PCDH9: variants seen among roughly 807,000 people sequenced by gnomAD.
PCDH9 encodes the protein protocadherin 9.
A neutral mutation model predicts 70.6 loss-of-function variants in PCDH9; 24 were observed. The observed-to-expected ratio is 0.34, with a 90% CI of 0.25 to 0.48. The LOEUF is 0.48. PCDH9 is among the 20% of genes least tolerant of loss of function. The probability of loss-of-function intolerance (pLI) is 0.99; values close to 1 mark genes in which losing one functional copy is unlikely to be tolerated. For missense variants in PCDH9, 1,281 were observed against 1,503.6 expected (o/e 0.85, Z 2.45); for synonymous variants, 562 against 558.5 (o/e 1.01, Z -0.09).
In PCDH9 at chr13:66,656,191, C is replaced by G. The variant is rs554803987; in HGVS notation, c.3139-24780G>C. Among the ~76,000 whole-genome samples, 28 of 151,584 alleles carry G rather than the reference C, an allele frequency of 1.8e-4. No individual in the cohort carries two copies. In the South Asian group the frequency reaches 5.6e-3, roughly 31 times the overall value. On this transcript the variant is annotated intron_variant, in intron 3 of 4. Transcript: ENST00000377865. ...TCAGCAGGCCATTTTCTTGGCTGAG[C>G]CTGTTACTGAACAAAGTCAGTATAT...
intron 4 of PCDH9, among the ~76,000 whole-genome samples, chr13:66,498,621 C>T (rs1959153979): frequency 6.6e-6 from 1 of 152,098 alleles, no homozygotes; most frequent in African/African-American, 2.4e-5. Flanking sequence ...TAATTCCCAA[C>T]CCCACAAATA....
intron 2 of PCDH9, among the ~76,000 whole-genome samples, chr13:67,187,663 T>C (rs1431800255): frequency 2.0e-5 from 3 of 152,106 alleles, no homozygotes; most frequent in Non-Finnish European, 2.9e-5. Flanking sequence ...TATTTATATT[T>C]TTAATATAGA....
chr13:67,126,049 G>T (rs2086973213), intron 2 of PCDH9, among the ~76,000 whole-genome samples: 2 of 152,122 alleles, frequency 1.3e-5, no homozygotes, highest in Non-Finnish European at 1.5e-5. Context: ...TTCCTGATGA[G>T]AAATTGAAGG....
At chr13:67,057,366 T>A (rs1258072844) in intron 2 of PCDH9, among the ~76,000 whole-genome samples, 1 of 152,014 alleles carries the variant, frequency 6.6e-6, no homozygotes, top group African/African-American at 2.4e-5. Context: ...AAGCATGACC[T>A]TTAGTCTCGG....
At chr13:66,349,837 G>A (rs1240465758) in intron 4 of PCDH9, among the ~76,000 whole-genome samples, 1 of 152,112 alleles carries the variant, frequency 6.6e-6, no homozygotes, top group African/African-American at 2.4e-5. Context: ...TAGAGCTAGG[G>A]AACTACTACT....
intron 2 of PCDH9, among the ~76,000 whole-genome samples, chr13:67,142,767 G>A (rs542983933): frequency 2.6e-5 from 4 of 151,866 alleles, no homozygotes; most frequent in South Asian, 2.1e-4. Context: ...TTGGGAGGCC[G>A]AGGCGGGCGG....
intron 3 of PCDH9, among the ~76,000 whole-genome samples, chr13:66,887,396 A>G (rs981499969): frequency 1.3e-5 from 2 of 152,242 alleles, no homozygotes; most frequent in African/African-American, 2.4e-5. Context: ...AAAAAATGCT[A>G]CGTTCTATTT....
At chr13:67,146,153 T>A (rs2138372302) in intron 2 of PCDH9, among the ~76,000 whole-genome samples, 1 of 152,256 alleles carries the variant, frequency 6.6e-6, no homozygotes, top group South Asian at 2.1e-4. Context: ...TGTCTTCAAA[T>A]GTTTCCAGGA....
chr13:66,321,149 C>T lies in PCDH9; in HGVS notation c.3341-16121G>A, dbSNP rs551044203. Among the ~76,000 whole-genome samples the T allele has an allele frequency of 4.5e-4, 69 of 152,118 alleles. 1 individual carries two copies. The South Asian group carries it at 0.013, about 28-fold the overall frequency. ...GTAAATATATACCAATGATTAAAAA[C>T]GGCTCTCCAAGTTCTATGGCATTAA... On this transcript the variant is annotated intron_variant, in intron 4 of 4. Transcript: ENST00000377865.
intron 2 of PCDH9, among the ~76,000 whole-genome samples, chr13:67,085,925 T>G (rs1259198228): frequency 6.6e-6 from 1 of 152,120 alleles, no homozygotes; most frequent in Non-Finnish European, 1.5e-5. Context: ...ATCCGTCAAG[T>G]GAAAAACAAA....
Position 66,489,441 on chromosome 13 carries a change from G to C in PCDH9, c.3340+141769C>G, listed in dbSNP as rs369319018. Among the ~76,000 whole-genome samples the C allele has an allele frequency of 3.9e-5, 6 of 152,070 alleles. No homozygotes were observed. In the East Asian group the frequency reaches 1.2e-3, roughly 29 times the overall value. On this transcript the variant is annotated intron_variant, in intron 4 of 4. Coordinates refer to ENST00000377865, the MANE Select transcript of PCDH9 (RefSeq NM_203487.3). ...GCCTCCCACCTCAGCTTCCTGAGTA[G>C]CTGGGACTACAGGCATGCACCACCA... is the stretch of plus-strand genomic sequence containing the variant.
At chr13:66,370,342 A>T (rs1229134906) in intron 4 of PCDH9, among the ~76,000 whole-genome samples, 1 of 151,910 alleles carries the variant, frequency 6.6e-6, no homozygotes, top group Non-Finnish European at 1.5e-5. Flanking sequence ...AATTACATAG[A>T]TGGACCTCCC....
chr13:66,675,494 T>C (rs2078230673), intron 3 of PCDH9, among the ~76,000 whole-genome samples: 1 of 152,128 alleles, frequency 6.6e-6, no homozygotes, highest in African/African-American at 2.4e-5. Context: ...TCCTGCAAAG[T>C]AGAGTAGTCA....
intron 4 of PCDH9, among the ~76,000 whole-genome samples, chr13:66,313,520 T>TA: frequency 6.6e-6 from 1 of 152,338 alleles, no homozygotes; most frequent in East Asian, 1.9e-4. Flanking sequence ...ATAAGCCACT[T>TA]ACATAATATT....
chr13:66,833,205 T>C (rs1302673040), intron 3 of PCDH9, among the ~76,000 whole-genome samples: 1 of 152,178 alleles, frequency 6.6e-6, no homozygotes, highest in Non-Finnish European at 1.5e-5. Flanking sequence ...TTGTTACTGA[T>C]TTCTCAGAGT....
intron 2 of PCDH9, among the ~76,000 whole-genome samples, chr13:67,161,725 T>C (rs2087966245): frequency 6.6e-6 from 1 of 152,004 alleles, no homozygotes. Context: ...TCAGGCAGGG[T>C]TAATGTGAGC....
At chr13:67,156,226 A>G (rs764425191) in intron 2 of PCDH9, among the ~76,000 whole-genome samples, 1 of 152,080 alleles carries the variant, frequency 6.6e-6, no homozygotes, top group Non-Finnish European at 1.5e-5. Flanking sequence ...GTGACTATAA[A>G]AACCTGAGAC....
intron 4 of PCDH9, among the ~76,000 whole-genome samples, chr13:66,481,942 GCACACA>G (rs10611896): frequency 8.1e-5 from 12 of 148,614 alleles, no homozygotes; most frequent in African/African-American, 2.0e-4. Flanking sequence ...ACACATGCAC[GCACACA>G]CACACACACA....
chr13:66,462,848 T>C (rs943757833), intron 4 of PCDH9, among the ~76,000 whole-genome samples: 1 of 151,816 alleles, frequency 6.6e-6, no homozygotes, highest in African/African-American at 2.4e-5. Flanking sequence ...TCCTATTTTC[T>C]ACTATGTAAG....
Sources: gnomAD v4.1 joint callset for allele counts (sites outside exome capture counted in the v4.1 genomes callset) on GRCh38, gnomAD v4.1.1 for gene constraint, MANE v1.5 for transcripts, NCBI Gene and HGNC (gene_info 2026-07-23, HGNC 2026-07-21) for gene names.